The following TEX26 variants were observed in gnomAD, a reference collection of about 807,000 sequenced individuals.
TEX26 encodes testis expressed 26, also known as testis-expressed protein 26.
In TEX26, 34 loss-of-function variants were observed where a neutral mutation model predicts 35.3. The observed-to-expected ratio is 0.96, with a 90% CI of 0.73 to 1.28. The LOEUF (loss-of-function observed/expected upper bound fraction) is 1.28. Among genes scored for constraint, TEX26 ranks in the 50% most tolerant of loss-of-function variants. The pLI, the probability that TEX26 is intolerant of heterozygous loss-of-function variation, is 0.00. For synonymous variants in TEX26, 136 were observed against 111.8 expected, an observed-to-expected ratio of 1.22 and a Z score of -1.36; for missense variants, 371 against 330.1, an observed-to-expected ratio of 1.12 and a Z score of -0.96.
At chr13:30,940,419 C>G (rs530664979) in intron 2 of TEX26, among the ~76,000 whole-genome samples, 4 of 146,324 alleles carry the variant, frequency 2.7e-5, no homozygotes, top group Non-Finnish European at 4.5e-5. Context: ...CTGCAAGCTC[C>G]GCCCCCTGGG....
Position 30,956,375 on chromosome 13 carries a change from A to G in TEX26, c.313-498A>G, listed in dbSNP as rs1259369838. On this transcript the variant is annotated intron_variant, in intron 3 of 6. Transcript: ENST00000380473. ...ATTTTTTATGGCTGCATAGTATTCC[A>G]TGGTGTATATGTGCCACATTTTCTT... is the stretch of plus-strand genomic sequence containing the variant. 2.6e-5 allele frequency among the ~76,000 whole-genome samples: 4 copies of G among 152,078 alleles called. No homozygotes were observed. The East Asian group carries it at 7.8e-4, about 29-fold the overall frequency.
intron 6 of TEX26, among the ~76,000 whole-genome samples, chr13:30,970,794 G>C (rs914615073): frequency 6.6e-6 from 1 of 152,110 alleles, no homozygotes; most frequent in Admixed American, 6.5e-5. Flanking sequence ...GGTGAACTAG[G>C]GACTCCTCAA....
chr13:30,940,884 GC>G (rs1953474120), intron 2 of TEX26, among the ~76,000 whole-genome samples: 4 of 151,554 alleles, frequency 2.6e-5, no homozygotes, highest in Admixed American at 2.6e-4. Flanking sequence ...GTTGCAGTGA[GC>G]CGAGATCACA....
intron 6 of TEX26, among the ~76,000 whole-genome samples, chr13:30,969,686 T>C (rs1954652321): frequency 6.6e-6 from 1 of 152,168 alleles, no homozygotes; most frequent in Non-Finnish European, 1.5e-5. Context: ...CCTCTCAGCA[T>C]CCTACGTGAG....
intron 2 of TEX26, among the ~76,000 whole-genome samples, chr13:30,952,067 T>C (rs1371263377): frequency 6.9e-6 from 1 of 145,786 alleles, no homozygotes; most frequent in Non-Finnish European, 1.5e-5. Context: ...GCCATTTAAA[T>C]GATTTCTCTT....
chr13:30,949,458 C>T (rs1953840934), intron 2 of TEX26, among the ~76,000 whole-genome samples: 1 of 151,856 alleles, frequency 6.6e-6, no homozygotes, highest in African/African-American at 2.4e-5. Flanking sequence ...TAAAATCTAG[C>T]TATACTTTCA....
chr13:30,941,736 G>A (rs1308960918), intron 2 of TEX26, among the ~76,000 whole-genome samples: 1 of 152,154 alleles, frequency 6.6e-6, no homozygotes, highest in Non-Finnish European at 1.5e-5. Flanking sequence ...TTATCAGTGA[G>A]AATGTATGGT....
intron 6 of TEX26, among the ~76,000 whole-genome samples, 188 bp downstream of exon 6, chr13:30,969,234 G>T (rs1400330961): frequency 6.6e-6 from 1 of 150,910 alleles, no homozygotes; most frequent in Non-Finnish European, 1.5e-5. Context: ...CCTTTAAGGA[G>T]GCCCAGTGAC....
intron 2 of TEX26, among the ~76,000 whole-genome samples, chr13:30,944,632 T>C (rs1329233186): frequency 6.6e-6 from 1 of 152,076 alleles, no homozygotes; most frequent in Non-Finnish European, 1.5e-5. Flanking sequence ...GAAGTTTTGA[T>C]AACTTGTGTT....
At chr13:30,942,458 T>C (rs1953549866) in intron 2 of TEX26, among the ~76,000 whole-genome samples, 1 of 152,196 alleles carries the variant, frequency 6.6e-6, no homozygotes, top group African/African-American at 2.4e-5. Context: ...TTTTCTCCTA[T>C]TCTGTGGGTT....
Position 30,956,968 on chromosome 13 carries a change from C to A in TEX26, c.408C>A (p.Asn136Lys). The A allele has an allele frequency of 6.2e-7, 1 of 1,614,182 alleles. No homozygotes were observed. Among genetic ancestry groups the A allele is most frequent in the Non-Finnish European group, 8.5e-7 (1 of 1,180,024 alleles). Residue 136 changes from asparagine to lysine, a missense_variant, in exon 4 of 7, where the codon AAC (asparagine) becomes AAA (lysine). Transcript: ENST00000380473. The stretch of plus-strand genomic sequence containing the variant: ...TCCCGGCTTCAATGAAAGAAGTTAA[C>A]AAGGCACTATCAAATCAGTTTATTT... ...WKIPASMKEV[N>K]KALSNQFISL... is the part of the protein sequence containing the mutation.
chr13:30,961,821 C>T (rs929622100), intron 4 of TEX26, among the ~76,000 whole-genome samples: 2 of 152,214 alleles, frequency 1.3e-5, no homozygotes, highest in Non-Finnish European at 2.9e-5. Flanking sequence ...ACTGTTCTTG[C>T]ATTTCTGTGT....
At chr13:30,944,652 A>G (rs1250451341) in intron 2 of TEX26, among the ~76,000 whole-genome samples, 1 of 151,912 alleles carries the variant, frequency 6.6e-6, no homozygotes, top group Non-Finnish European at 1.5e-5. Context: ...TACTATTATC[A>G]TTTATTTTAA....
chr13:30,974,436 C>T (rs1954818007), intron 6 of TEX26, among the ~76,000 whole-genome samples: 2 of 152,130 alleles, frequency 1.3e-5, no homozygotes, highest in South Asian at 4.1e-4. Context: ...ATGGGCCAGG[C>T]ACTGTCTGGG....
chr13:30,968,290 C>A lies in TEX26; in HGVS notation c.647-595C>A, dbSNP rs1203982218. On this transcript the variant is annotated intron_variant, in intron 5 of 6. Transcript: ENST00000380473. Reference sequence around the variant, plus strand: ...AGGAGACCTGGCTAGCAAAGTTGGTCTTGTTCAGTGGTAGCAGCCCCCAGA... The same window carrying A: ...AGGAGACCTGGCTAGCAAAGTTGGTATTGTTCAGTGGTAGCAGCCCCCAGA... Among the ~76,000 whole-genome samples, 6 of 152,104 alleles carry A rather than the reference C, an allele frequency of 3.9e-5. No homozygotes were observed. In the South Asian group the frequency reaches 1.2e-3, roughly 32 times the overall value.
At chr13:30,945,748 G>A (rs757282810) in intron 2 of TEX26, among the ~76,000 whole-genome samples, 2 of 151,830 alleles carry the variant, frequency 1.3e-5, no homozygotes, top group Admixed American at 6.6e-5. Context: ...TCCCTTTAAG[G>A]CGGCTAAAGA....
At chr13:30,974,375 A>G (rs1221201234) in intron 6 of TEX26, among the ~76,000 whole-genome samples, 2 of 152,026 alleles carry the variant, frequency 1.3e-5, no homozygotes, top group East Asian at 1.9e-4. Flanking sequence ...ATCACTGTTT[A>G]TTACTATGCA....
intron 4 of TEX26, among the ~76,000 whole-genome samples, 191 bp downstream of exon 4, chr13:30,957,220 A>G (rs1405214611): frequency 6.6e-6 from 1 of 152,168 alleles, no homozygotes; most frequent in Non-Finnish European, 1.5e-5. Flanking sequence ...TGCTGTGGGC[A>G]TACAGGAAGA....
intron 4 of TEX26, 117 bp from the exon 5 acceptor site, chr13:30,966,105 C>A (rs1368783671): frequency 1.3e-5 from 13 of 1,009,160 alleles, no homozygotes; most frequent in Non-Finnish European, 1.9e-5. Context: ...AAAATTATTT[C>A]TCCATTGAAG....
Sources: gnomAD v4.1 joint callset for allele counts (sites outside exome capture counted in the v4.1 genomes callset) on GRCh38, gnomAD v4.1.1 for gene constraint, MANE v1.5 for transcripts, NCBI Gene and HGNC (gene_info 2026-07-23, HGNC 2026-07-21) for gene names.